The following HNF4A variants were observed in gnomAD, a reference collection of about 807,000 sequenced individuals.
HNF4A encodes hepatocyte nuclear factor 4 alpha.
Under a neutral mutation model 52.4 loss-of-function variants are expected in HNF4A, and 15 were observed. That is an observed-to-expected ratio of 0.29 (90% CI 0.19 to 0.44). HNF4A has a LOEUF of 0.44. Among genes scored for constraint, HNF4A ranks in the 20% least tolerant of loss-of-function variants. HNF4A has a pLI of 1.00. For missense variants in HNF4A, 479 were observed against 647.2 expected, an observed-to-expected ratio of 0.74 and a Z score of 2.82; for synonymous variants, 280 against 264.4, an observed-to-expected ratio of 1.06 and a Z score of -0.57.
intron 8 of HNF4A, among the ~76,000 whole-genome samples, chr20:44,425,774 C>A (rs1390429206): frequency 6.6e-6 from 1 of 151,810 alleles, no homozygotes; most frequent in Non-Finnish European, 1.5e-5. Context: ...CCTACCCCAG[C>A]CTTTCAAGTA....
chr20:44,388,747 C>T (rs2063265480), intron 1 of HNF4A, among the ~76,000 whole-genome samples: 2 of 152,224 alleles, frequency 1.3e-5, no homozygotes, highest in Non-Finnish European at 2.9e-5. Flanking sequence ...GTCTTGGCCG[C>T]CTCCTCCGGG....
At chr20:44,428,209 G>A in intron 8 of HNF4A, 126 bp from the exon 9 acceptor site, 1 of 933,646 alleles carries the variant, frequency 1.1e-6, no homozygotes, top group Non-Finnish European at 1.7e-6. Context: ...CCAGGAATAG[G>A]TACCCAACAG....
At chr20:44,365,853 A>C (rs1192321664) in intron 1 of HNF4A, among the ~76,000 whole-genome samples, 1 of 152,104 alleles carries the variant, frequency 6.6e-6, no homozygotes, top group Non-Finnish European at 1.5e-5. Flanking sequence ...CAAAAAACAC[A>C]AAAATTAGCT....
At chr20:44,420,005 T>G in intron 7 of HNF4A, 129 bp downstream of exon 7, 1 of 978,526 alleles carries the variant, frequency 1.0e-6, no homozygotes, top group Non-Finnish European at 1.6e-6. Context: ...GAGAGGCCGT[T>G]TTCATTTAAC....
rs774111430 is a variant in HNF4A, at chr20:44,429,606, A to G, written c.1366A>G (p.Ile456Val). The stretch of plus-strand genomic sequence containing the variant: ...GCTCCTGCCGGGAGCCGTCGCCACA[A>G]TCGTCAAGCCCCTCTCTGCCATCCC... The change falls in exon 10 of 10, where the codon ATC (isoleucine) becomes GTC (valine). Residue 456 changes from isoleucine (I) to valine (V), a missense_variant. This residue lies in a region of HNF4A where 389 missense variants were observed against 525.1 expected (regional missense o/e 0.74). Transcript: ENST00000316099. The G allele has an allele frequency of 3.1e-6, 5 of 1,613,734 alleles. No homozygotes were observed. The Admixed American group carries it at 8.3e-5, about 27-fold the overall frequency.
At chr20:44,417,146 GAACA>G (rs1349836705) in intron 5 of HNF4A, among the ~76,000 whole-genome samples, 4 of 112,442 alleles carry the variant, frequency 3.6e-5, no homozygotes, top group Non-Finnish European at 8.2e-5. Flanking sequence ...TCAAATTAAT[GAACA>G]AACAAAGGAT....
chr20:44,370,146 C>CT (rs2063017829), intron 1 of HNF4A, among the ~76,000 whole-genome samples: 1 of 152,086 alleles, frequency 6.6e-6, no homozygotes, highest in South Asian at 2.1e-4. Context: ...CCCGCCTCAG[C>CT]CCCCCCAAGT....
Position 44,414,284 on chromosome 20 carries a change from G to A in HNF4A, c.493-223G>A, listed in dbSNP as rs540240893. ...GGCTCTAAAGCTGACAGAGGAGGGG[G>A]CAGGGGGCAGGTAACAGGTGAAGGC... On this transcript the variant is annotated intron_variant, in intron 4 of 9. Transcript: ENST00000316099. 3.3e-5 allele frequency among the ~76,000 whole-genome samples: 5 copies of A among 152,306 alleles called. No individual in the cohort carries two copies. The East Asian group carries it at 9.7e-4, about 29-fold the overall frequency.
chr20:44,419,800 G>A lies in HNF4A; in HGVS notation c.816G>A (p.Leu272=). ...TGTCCATACGCATCCTTGACGAGCT[G>A]GTGCTGCCCTTCCAGGAGCTGCAGA... Residue 272 remains leucine (L), a synonymous_variant, in exon 7 of 10, where the codon CTG becomes CTA. Transcript: ENST00000316099. 1 of 1,614,142 alleles carries A rather than the reference G, an allele frequency of 6.2e-7. No homozygotes were observed. Among genetic ancestry groups the A allele is most frequent in the Non-Finnish European group, 8.5e-7 (1 of 1,179,998 alleles).
chr20:44,421,637 C>G (rs1234723140), intron 7 of HNF4A, among the ~76,000 whole-genome samples: 1 of 151,676 alleles, frequency 6.6e-6, no homozygotes, highest in African/African-American at 2.4e-5. Flanking sequence ...GCCTGTAATC[C>G]CAGCTACTCA....
chr20:44,407,757 TTG>T lies in HNF4A; in HGVS notation c.385+316_385+317del, dbSNP rs35406830. Among the ~76,000 whole-genome samples, 3,562 of 145,774 alleles carry T rather than the reference TTG, an allele frequency of 0.024. 56 individuals carry two copies. Among genetic ancestry groups the T allele is most frequent in the Middle Eastern group, 0.049 (14 of 286 alleles). On this transcript the variant is annotated intron_variant, in intron 3 of 9. Transcript: ENST00000316099. ...TCTGCGCCACCACAAAGCAGCCACGTTGTGTGTGTGTGTGTGTGTGTGTGTGT... is the reference window on the plus strand; with the variant it reads ...TCTGCGCCACCACAAAGCAGCCACGTTGTGTGTGTGTGTGTGTGTGTGTGT...
At position 44,424,101 on chromosome 20, in the gene HNF4A, C is replaced by T. The variant is rs1486917678; in HGVS notation, c.976C>T (p.Arg326Cys). 5.0e-6 allele frequency: 8 copies of T among 1,613,276 alleles called. No homozygotes were observed. The highest frequency in any genetic ancestry group is 1.3e-5 in the African/African-American group (1 of 74,934). The change falls in exon 8 of 10, where the codon CGC becomes TGC. Residue 326 changes from arginine to cysteine, a missense_variant. Physicochemically the swap from Arg to Cys is radical, Grantham distance 180 (BLOSUM62 -3). Around this residue, in one of 3 missense-constraint regions of HNF4A, gnomAD observed 389 missense variants for 525.1 expected, o/e 0.74. Transcript: ENST00000316099. ...GAGCTTGGAGGACTACATCAACGAC[C>T]GCCAGTATGACTCGCGTGGCCGCTT...
intron 7 of HNF4A, among the ~76,000 whole-genome samples, chr20:44,423,492 TC>T (rs1459076590): frequency 1.3e-5 from 2 of 152,082 alleles, no homozygotes; most frequent in African/African-American, 2.4e-5. Flanking sequence ...AAGGCAGACT[TC>T]CTGGAGGAGG....
At chr20:44,403,945 G>A (rs892718059) in intron 1 of HNF4A, among the ~76,000 whole-genome samples, 3 of 152,132 alleles carry the variant, frequency 2.0e-5, no homozygotes, top group Non-Finnish European at 2.9e-5. Context: ...AGCTCTCCCC[G>A]GGGGTCGGGG....
At chr20:44,418,864 C>G (rs2063703743) in intron 6 of HNF4A, among the ~76,000 whole-genome samples, 1 of 152,150 alleles carries the variant, frequency 6.6e-6, no homozygotes, top group African/African-American at 2.4e-5. Flanking sequence ...CAGCCTCCAC[C>G]CGCCACGTTC....
chr20:44,423,917 A>C lies in HNF4A; in HGVS notation c.893-101A>C. The C allele has an allele frequency of 2.8e-6, 3 of 1,078,354 alleles. No homozygotes were observed. In the South Asian group the frequency reaches 4.0e-5, roughly 15 times the overall value. The allele number at this position is 1,078,354 out of a possible 1,614,324, so 66.8% of individuals were successfully genotyped here. A position where few individuals can be genotyped will look rare whatever the true frequency, so the allele number is the denominator to read the frequency against. The stretch of plus-strand genomic sequence containing the variant: ...AATCCTTGTGCCCACACTGCTGAAG[A>C]CTCCTTGTGTGATACAAGTCAGGGG... On this transcript the variant is annotated intron_variant, in intron 7 of 9. Transcript: ENST00000316099.
intron 7 of HNF4A, among the ~76,000 whole-genome samples, chr20:44,420,448 T>G (rs1157907233): frequency 2.0e-5 from 3 of 152,120 alleles, no homozygotes; most frequent in Non-Finnish European, 4.4e-5. Flanking sequence ...TCCTCTTTTC[T>G]TTCATATTTG....
chr20:44,387,616 G>A (rs1303880848), intron 1 of HNF4A, among the ~76,000 whole-genome samples: 2 of 133,428 alleles, frequency 1.5e-5, no homozygotes, highest in African/African-American at 5.5e-5. Context: ...GGGTAGGGAA[G>A]CCACAGGAGA....
chr20:44,358,504 G>T (rs2062883238), intron 1 of HNF4A, among the ~76,000 whole-genome samples: 1 of 152,100 alleles, frequency 6.6e-6, no homozygotes, highest in Non-Finnish European at 1.5e-5. Flanking sequence ...CAGCTACTTG[G>T]GAGGCTGAGG....
Sources: gnomAD v4.1 joint callset for allele counts (sites outside exome capture counted in the v4.1 genomes callset) on GRCh38, gnomAD v4.1.1 for gene constraint, gnomAD v4.1.1 regional missense constraint, MANE v1.5 for transcripts, NCBI Gene and HGNC (gene_info 2026-07-23, HGNC 2026-07-21) for gene names.